AKT3: variants seen among roughly 807,000 people sequenced by gnomAD.
AKT3 encodes the protein AKT serine/threonine kinase 3, also known as RAC-gamma serine/threonine-protein kinase.
Under a neutral mutation model 65.3 loss-of-function variants are expected in AKT3, and 15 were observed. The ratio of observed to expected loss-of-function variants is 0.23; its 90% CI spans 0.15 to 0.35. AKT3 has a LOEUF of 0.35. AKT3 is among the 10% of genes least tolerant of loss of function. AKT3 has a pLI of 1.00. For synonymous variants in AKT3, 206 were observed against 183.8 expected (o/e 1.12, Z -0.98); for missense variants, 243 against 576.5 (o/e 0.42, Z 5.92).
At chr1:243,646,348 T>G (rs1024420387) in intron 4 of AKT3, among the ~76,000 whole-genome samples, 2 of 151,690 alleles carry the variant, frequency 1.3e-5, no homozygotes, top group Non-Finnish European at 2.9e-5. Flanking sequence ...TGTCTGTACA[T>G]ATATATATCC....
intron 4 of AKT3, among the ~76,000 whole-genome samples, chr1:243,648,846 T>A (rs1314942729): frequency 6.6e-6 from 1 of 152,172 alleles, no homozygotes; most frequent in African/African-American, 2.4e-5. Context: ...TTCAATTCTA[T>A]TAATTTTTTT....
chr1:243,644,566 C>T (rs1680667720), intron 5 of AKT3, among the ~76,000 whole-genome samples: 1 of 152,008 alleles, frequency 6.6e-6, no homozygotes, highest in Non-Finnish European at 1.5e-5. Flanking sequence ...TTATGTAATA[C>T]GTGCTCAATA....
At chr1:243,789,352 T>G (rs1691473584) in intron 2 of AKT3, among the ~76,000 whole-genome samples, 1 of 152,206 alleles carries the variant, frequency 6.6e-6, no homozygotes, top group Admixed American at 6.5e-5. Context: ...TGCCACTGTA[T>G]TCTGCTCCAG....
In AKT3 at chr1:243,501,506, T is replaced by C; in HGVS notation, c.*3743A>G. The C allele has an allele frequency of 4.3e-6, 1 of 233,282 alleles. No individual in the cohort carries two copies. Among genetic ancestry groups the C allele is most frequent in the Non-Finnish European group, 8.5e-6 (1 of 118,042 alleles). The allele number at this position is 233,282 out of a possible 1,614,324, so 14.5% of individuals were successfully genotyped here. A position where few individuals can be genotyped will look rare whatever the true frequency, so the allele number is the denominator to read the frequency against. ...AGTACATCCATCCTAAATCCAGTGC[T>C]GAGAGGTCAGCGTTTCCCCTCAGAA... is the stretch of plus-strand genomic sequence containing the variant. On this transcript the variant is annotated 3_prime_UTR_variant, in exon 14 of 14. Coordinates refer to ENST00000673466, the MANE Select transcript of AKT3 (RefSeq NM_005465.7).
intron 2 of AKT3, among the ~76,000 whole-genome samples, chr1:243,717,560 T>G (rs1686590007): frequency 6.6e-6 from 1 of 152,242 alleles, no homozygotes; most frequent in Admixed American, 6.5e-5. Flanking sequence ...TTCTCCTTAC[T>G]TCATATGAGA....
intron 12 of AKT3, among the ~76,000 whole-genome samples, chr1:243,535,798 T>TA (rs1273675841): frequency 6.6e-6 from 1 of 152,234 alleles, no homozygotes; most frequent in Non-Finnish European, 1.5e-5. Context: ...GAAATCTCCA[T>TA]ACTGTTTTCC....
chr1:243,818,556 A>T (rs569324417), intron 2 of AKT3, among the ~76,000 whole-genome samples: 27 of 152,326 alleles, frequency 1.8e-4, no homozygotes, highest in African/African-American at 5.8e-4. Context: ...CTAAGAAAAA[A>T]TGGCTTGGTG....
At position 243,594,166 on chromosome 1, in the gene AKT3, T is replaced by A. The variant is rs1676437809; in HGVS notation, c.696+19505A>T. 2.6e-5 allele frequency among the ~76,000 whole-genome samples: 4 copies of A among 152,222 alleles called. No individual in the cohort carries two copies. The South Asian group carries it at 8.3e-4, about 32-fold the overall frequency. ...TTCTTATATGCTAACAGCAAACAAT[T>A]GTAAATGGGAAAAAATTGGAATAGG... On this transcript the variant is annotated intron_variant, in intron 8 of 13. Transcript: ENST00000673466.
At chr1:243,806,300 CTTTT>C (rs1167176184) in intron 2 of AKT3, among the ~76,000 whole-genome samples, 1 of 151,938 alleles carries the variant, frequency 6.6e-6, no homozygotes, top group East Asian at 1.9e-4. Context: ...ACGTTTTATT[CTTTT>C]TGTTTCTTTA....
At chr1:243,711,491 T>C (rs1331713986) in intron 2 of AKT3, among the ~76,000 whole-genome samples, 1 of 152,180 alleles carries the variant, frequency 6.6e-6, no homozygotes, top group African/African-American at 2.4e-5. Context: ...TAAATAAACA[T>C]AAGGTTCCAA....
chr1:243,646,231 A>C (rs1445672080), intron 4 of AKT3, among the ~76,000 whole-genome samples, 194 bp from the exon 5 acceptor site: 1 of 152,318 alleles, frequency 6.6e-6, no homozygotes, highest in East Asian at 1.9e-4. Context: ...CCACATGCCT[A>C]AAGTCTGTAG....
intron 2 of AKT3, among the ~76,000 whole-genome samples, chr1:243,697,559 T>C (rs545379324): frequency 1.3e-5 from 2 of 152,238 alleles, no homozygotes; most frequent in South Asian, 4.1e-4. Flanking sequence ...TGATCTATAC[T>C]GGACTTTGAA....
Position 243,500,899 on chromosome 1 carries a change from A to G in AKT3, c.*4350T>C, listed in dbSNP as rs1574489669. 1 of 228,462 alleles carries G rather than the reference A, an allele frequency of 4.4e-6. No homozygotes were observed. Among genetic ancestry groups the G allele is most frequent in the African/African-American group, 2.2e-5 (1 of 45,214 alleles). The allele number at this position is 228,462 out of a possible 1,614,324, so 14.2% of individuals were successfully genotyped here. The stretch of plus-strand genomic sequence containing the variant: ...TTATTTCATCAAATGTGCTAGACAT[A>G]AAGGCTGTCACATAAGATATTTTAA... On this transcript the variant is annotated 3_prime_UTR_variant, in exon 14 of 14. Transcript: ENST00000673466.
intron 8 of AKT3, among the ~76,000 whole-genome samples, chr1:243,582,718 C>A (rs770041173): frequency 3.3e-5 from 5 of 152,018 alleles, no homozygotes; most frequent in Non-Finnish European, 5.9e-5. Context: ...GTAAGGCAAC[C>A]AGCTAATAAC....
At chr1:243,802,933 G>C (rs1692465891) in intron 2 of AKT3, among the ~76,000 whole-genome samples, 1 of 152,106 alleles carries the variant, frequency 6.6e-6, no homozygotes, top group African/African-American at 2.4e-5. Flanking sequence ...AGGATCGCTT[G>C]AGGCCAGGAG....
chr1:243,839,877 A>C (rs1364847043), intron 2 of AKT3, among the ~76,000 whole-genome samples: 1 of 151,794 alleles, frequency 6.6e-6, no homozygotes, highest in Admixed American at 6.6e-5. Flanking sequence ...AAAAAAAAAA[A>C]AAAAACAGAA....
chr1:243,596,684 C>T (rs1286102652), intron 8 of AKT3, among the ~76,000 whole-genome samples: 2 of 152,074 alleles, frequency 1.3e-5, no homozygotes, highest in Non-Finnish European at 2.9e-5. Flanking sequence ...AAAATGTAAG[C>T]ATATGCTTAC....
chr1:243,784,720 C>A (rs985157168), intron 2 of AKT3, among the ~76,000 whole-genome samples: 1 of 152,164 alleles, frequency 6.6e-6, no homozygotes, highest in Non-Finnish European at 1.5e-5. Flanking sequence ...AGCCCTCATG[C>A]TGCACATGCT....
chr1:243,760,587 CA>C (rs1430463257), intron 2 of AKT3, among the ~76,000 whole-genome samples: 1 of 152,102 alleles, frequency 6.6e-6, no homozygotes, highest in Non-Finnish European at 1.5e-5. Context: ...AGGCATAGAG[CA>C]GCAAAAAAAT....
Sources: gnomAD v4.1 joint callset for allele counts (sites outside exome capture counted in the v4.1 genomes callset) on GRCh38, gnomAD v4.1.1 for gene constraint, MANE v1.5 for transcripts, NCBI Gene and HGNC (gene_info 2026-07-23, HGNC 2026-07-21) for gene names.